The following PIK3R3 variants were observed in gnomAD, a reference collection of about 807,000 sequenced individuals.
PIK3R3 encodes the protein phosphoinositide-3-kinase regulatory subunit 3, also known as phosphatidylinositol 3-kinase regulatory subunit gamma.
A neutral mutation model predicts 62.9 loss-of-function variants in PIK3R3; 64 were observed. The ratio of observed to expected loss-of-function variants is 1.02; its 90% confidence interval spans 0.83 to 1.25. The LOEUF is 1.25. Ranked by LOEUF, PIK3R3 falls within the 50% of genes most tolerant of loss-of-function variation. PIK3R3 has a pLI of 0.00. For missense variants in PIK3R3, 614 were observed against 561.6 expected (o/e 1.09, Z -0.94); for synonymous variants, 165 against 189.0 (o/e 0.87, Z 1.04).
chr1:46,133,437 T>C (rs575499091), upstream of PIK3R3, among the ~76,000 whole-genome samples: 6 of 152,334 alleles, frequency 3.9e-5, no homozygotes, highest in African/African-American at 1.4e-4. Flanking sequence ...GGGCACGTTC[T>C]GTCACTTGGC....
intron 1 of PIK3R3, among the ~76,000 whole-genome samples, chr1:46,096,303 G>A (rs1404001895): frequency 6.6e-6 from 1 of 152,186 alleles, no homozygotes; most frequent in Non-Finnish European, 1.5e-5. Flanking sequence ...TCCTGGCTCA[G>A]CCAGGTAACC....
chr1:46,098,696 A>C (rs1652373732), intron 1 of PIK3R3, among the ~76,000 whole-genome samples: 1 of 152,126 alleles, frequency 6.6e-6, no homozygotes, highest in Non-Finnish European at 1.5e-5. Context: ...GCTAAGAAGA[A>C]TGGGGAATGA....
chr1:46,059,077 C>A lies in PIK3R3; in HGVS notation c.764+2852G>T, dbSNP rs188252591. Among the ~76,000 whole-genome samples the A allele has an allele frequency of 2.4e-3, 372 of 152,306 alleles. 2 individuals carry two copies. Among genetic ancestry groups the A allele is most frequent in the African/African-American group, 8.6e-3 (357 of 41,562 alleles). ...TTCTCATTGTAGTGAGTAAGTTTCA[C>A]GAGATCTGATGGTTTTATCAGGGAT... On this transcript the variant is annotated intron_variant, in intron 6 of 9. Transcript: ENST00000262741.
At chr1:46,062,404 G>A (rs1312656912) in intron 5 of PIK3R3, among the ~76,000 whole-genome samples, 5 of 151,852 alleles carry the variant, frequency 3.3e-5, no homozygotes, top group African/African-American at 9.7e-5. Flanking sequence ...GCAAAACCCC[G>A]TCTCTACTAA....
At chr1:46,174,254 T>G in the PIK3R3 span, among the ~76,000 whole-genome samples, 1 of 152,170 alleles carries the variant, frequency 6.6e-6, no homozygotes, top group African/African-American at 2.4e-5. Context: ...TTTATATGTA[T>G]GGCCCCTCTT....
chr1:46,158,000 G>A, the PIK3R3 span, among the ~76,000 whole-genome samples: 1 of 152,130 alleles, frequency 6.6e-6, no homozygotes, highest in African/African-American at 2.4e-5. Flanking sequence ...TGGGGAGCAG[G>A]TAGCACATCC....
At chr1:46,146,617 A>G in the PIK3R3 span, among the ~76,000 whole-genome samples, 1 of 149,602 alleles carries the variant, frequency 6.7e-6, no homozygotes, top group Non-Finnish European at 1.5e-5. Flanking sequence ...TCTCCCTTGG[A>G]GGAGGCTCCA....
upstream of PIK3R3, chr1:46,132,689 T>A (rs1300191866): frequency 7.8e-7 from 1 of 1,289,654 alleles, no homozygotes; most frequent in Admixed American, 2.3e-5. Flanking sequence ...CCCCGCCCCA[T>A]GCTGCCCACC....
Position 46,132,253 on chromosome 1 carries a change from T to C in PIK3R3, c.-301A>G, listed in dbSNP as rs1282995890. ...AAAGCGGCTTCCCAAAAATCCTTTC[T>C]ACACAGTCGCTCTCCGGGGAGAAAA... On this transcript the variant is annotated 5_prime_UTR_variant, in exon 1 of 10. Coordinates refer to ENST00000262741, the MANE Select transcript of PIK3R3 (RefSeq NM_003629.4). 6.1e-6 allele frequency: 7 copies of C among 1,153,122 alleles called. No individual in the cohort carries two copies. Among genetic ancestry groups the C allele is most frequent in the South Asian group, 2.2e-5 (1 of 46,400 alleles). 71.4% of individuals were successfully genotyped at this position (1,153,122 alleles called of 1,614,324 possible).
At chr1:46,093,366 AAAG>A (rs1178593301) in intron 1 of PIK3R3, among the ~76,000 whole-genome samples, 9 of 152,210 alleles carry the variant, frequency 5.9e-5, no homozygotes, top group African/African-American at 1.7e-4. Context: ...AATCTACTGA[AAAG>A]AAATACTGTA....
At chr1:46,111,595 G>A (rs971002879) in intron 1 of PIK3R3, among the ~76,000 whole-genome samples, 3 of 151,992 alleles carry the variant, frequency 2.0e-5, no homozygotes, top group African/African-American at 7.3e-5. Context: ...GTGTAGCTGT[G>A]TGCACCTGTA....
chr1:46,050,016 G>A (rs1647223358), intron 7 of PIK3R3, among the ~76,000 whole-genome samples: 1 of 151,820 alleles, frequency 6.6e-6, no homozygotes, highest in African/African-American at 2.4e-5. Context: ...AGCTACTTGG[G>A]AGGCTGATGC....
At chr1:46,154,810 T>C in the PIK3R3 span, among the ~76,000 whole-genome samples, 1 of 152,032 alleles carries the variant, frequency 6.6e-6, no homozygotes, top group South Asian at 2.1e-4. Flanking sequence ...ACCTAGAATG[T>C]TCTTTCCCCC....
chr1:46,115,915 G>A (rs573920345), intron 1 of PIK3R3, among the ~76,000 whole-genome samples: 2 of 152,182 alleles, frequency 1.3e-5, no homozygotes, highest in Admixed American at 6.5e-5. Context: ...AGGTACTCAC[G>A]GAATAGAAAC....
intron 1 of PIK3R3, among the ~76,000 whole-genome samples, chr1:46,087,368 C>T (rs550392512): frequency 4.9e-4 from 75 of 151,716 alleles, no homozygotes; most frequent in Non-Finnish European, 9.6e-4. Flanking sequence ...ACACCAAGCT[C>T]GCTGAGAATA....
intron 1 of PIK3R3, among the ~76,000 whole-genome samples, chr1:46,084,086 A>G (rs1245474854): frequency 6.6e-6 from 1 of 152,262 alleles, no homozygotes; most frequent in Non-Finnish European, 1.5e-5. Context: ...TTATTCAGCA[A>G]TAGAAAGGAA....
At chr1:46,162,283 G>A in the PIK3R3 span, among the ~76,000 whole-genome samples, 2 of 151,976 alleles carry the variant, frequency 1.3e-5, no homozygotes, top group African/African-American at 4.8e-5. Flanking sequence ...AGGAGTTAGA[G>A]ACCAGCCTGG....
At chr1:46,103,287 G>C (rs1393281310) in intron 1 of PIK3R3, among the ~76,000 whole-genome samples, 1 of 152,130 alleles carries the variant, frequency 6.6e-6, no homozygotes, top group Non-Finnish European at 1.5e-5. Context: ...ACTTGAAAAT[G>C]GTTATGATGG....
intron 1 of PIK3R3, among the ~76,000 whole-genome samples, chr1:46,105,968 A>G (rs558300085): frequency 7.9e-5 from 12 of 152,364 alleles, no homozygotes; most frequent in African/African-American, 2.9e-4. Context: ...CTTCAAAAAA[A>G]TTACAATGAT....
Sources: gnomAD v4.1 joint callset for allele counts (sites outside exome capture counted in the v4.1 genomes callset) on GRCh38, gnomAD v4.1.1 for gene constraint, MANE v1.5 for transcripts, NCBI Gene and HGNC (gene_info 2026-07-23, HGNC 2026-07-21) for gene names.